The following API5 variants were observed in gnomAD, a reference collection of about 807,000 sequenced individuals.
API5 encodes apoptosis inhibitor 5.
A neutral mutation model predicts 71.9 loss-of-function variants in API5; 6 were observed. The observed-to-expected ratio is 0.08, with a 90% CI of 0.05 to 0.16. The LOEUF (loss-of-function observed/expected upper bound fraction) is 0.16. Among genes scored for constraint, API5 ranks in the 10% least tolerant of loss-of-function variants. API5 has a pLI of 1.00. For missense variants in API5, 332 were observed against 612.8 expected, an observed-to-expected ratio of 0.54 and a Z score of 4.84; for synonymous variants, 189 against 221.3, an observed-to-expected ratio of 0.85 and a Z score of 1.30.
In API5 at chr11:43,344,517, C is replaced by G. The variant is rs1348682131; in HGVS notation, c.*2007C>G. 1 of 152,374 alleles carries G rather than the reference C, an allele frequency of 6.6e-6. No homozygotes were observed. Among genetic ancestry groups the G allele is most frequent in the Non-Finnish European group, 1.5e-5 (1 of 68,008 alleles). The allele number at this position is 152,374 out of a possible 1,614,324, so 9.4% of individuals were successfully genotyped here. On this transcript the variant is annotated 3_prime_UTR_variant, in exon 14 of 14. Coordinates refer to ENST00000531273, the MANE Select transcript of API5 (RefSeq NM_001142930.2). ...CCCTTATGCTTTTGAAATAAATTTC[C>G]TTTTGTAATTTTGTTTTGTGTCTTG... is the stretch of plus-strand genomic sequence containing the variant.
chr11:43,331,381 A>G (rs578184213), intron 11 of API5: 2 of 153,170 alleles, frequency 1.3e-5, no homozygotes, highest in African/African-American at 2.4e-5. Flanking sequence ...AAAAACTGCT[A>G]ATAGCCTGCT....
At chr11:43,316,800 AC>A (rs1465929998) in intron 1 of API5, among the ~76,000 whole-genome samples, 2 of 152,100 alleles carry the variant, frequency 1.3e-5, no homozygotes, top group African/African-American at 2.4e-5. Flanking sequence ...GACTGCAAGC[AC>A]ACACCACCAT....
intron 13 of API5, among the ~76,000 whole-genome samples, chr11:43,339,641 A>G (rs1394430189): frequency 1.3e-5 from 2 of 152,198 alleles, no homozygotes; most frequent in Non-Finnish European, 2.9e-5. Context: ...AAACACACTC[A>G]GACGCACATA....
rs777157059 is a variant in API5 at position 43,323,549 on chromosome 11, C to T, written c.663C>T (p.Ala221=). 1.9e-6 allele frequency: 3 copies of T among 1,614,058 alleles called. No homozygotes were observed. Among genetic ancestry groups the T allele is most frequent in the Admixed American group, 1.7e-5 (1 of 59,992 alleles). ...TTGTAGAGTTGGTGGCTGAACAGGCCGACCTAGAACAGACCTTCAATCCCT... is the reference window on the plus strand; with the variant it reads ...TTGTAGAGTTGGTGGCTGAACAGGCTGACCTAGAACAGACCTTCAATCCCT... ...QQLVELVAEQ[A]DLEQTFNPSD... Residue 221 remains alanine, a synonymous_variant, in exon 6 of 14, where the codon GCC becomes GCT. Coordinates refer to ENST00000531273, the MANE Select transcript of API5 (RefSeq NM_001142930.2).
intron 2 of API5, among the ~76,000 whole-genome samples, chr11:43,319,231 G>A (rs184648979): frequency 5.5e-4 from 83 of 152,214 alleles, no homozygotes; most frequent in Admixed American, 2.7e-3. Flanking sequence ...TGTAATAAGT[G>A]AATAGGATTA....
intron 1 of API5, among the ~76,000 whole-genome samples, chr11:43,315,436 G>C (rs1199488191): frequency 6.6e-6 from 1 of 151,636 alleles, no homozygotes; most frequent in Non-Finnish European, 1.5e-5. Context: ...ACTGTACCTT[G>C]CCCTTCAGTA....
At chr11:43,339,785 A>G (rs980542927) in intron 13 of API5, among the ~76,000 whole-genome samples, 15 of 152,328 alleles carry the variant, frequency 9.8e-5, no homozygotes, top group African/African-American at 3.6e-4. Flanking sequence ...CAAAAATTGC[A>G]TATTTATTGC....
rs188195849 is a variant in API5 at position 43,320,450 on chromosome 11, A to G, written c.232-371A>G. On this transcript the variant is annotated intron_variant, in intron 2 of 13. Transcript: ENST00000531273. ...CTCTGTGGTTTTAGTTTTCTTAAAA[A>G]GTTGAGTTTGCAGCTGGGCATGGTG... Among the ~76,000 whole-genome samples the G allele has an allele frequency of 1.1e-4, 16 of 152,024 alleles. No homozygotes were observed. In the East Asian group the frequency reaches 3.1e-3, roughly 30 times the overall value.
Position 43,312,061 on chromosome 11 carries a change from TC to T in API5, c.-65del. ...GTGCGGGTAGTGGGTTTGGAGAAGT[TC>T]CGAGGCGGCGGTGGCGCCGGTCAGG... On this transcript the variant is annotated 5_prime_UTR_variant, in exon 1 of 14. Transcript: ENST00000531273. 1 of 1,576,744 alleles carries T rather than the reference TC, an allele frequency of 6.3e-7. No homozygotes were observed. The highest frequency in any genetic ancestry group is 8.7e-7 in the Non-Finnish European group (1 of 1,151,520).
chr11:43,340,626 C>T lies in API5; in HGVS notation c.1493-1802C>T, dbSNP rs532660101. Among the ~76,000 whole-genome samples, 9 of 152,046 alleles carry T rather than the reference C, an allele frequency of 5.9e-5. 1 individual carries two copies. In the East Asian group the frequency reaches 1.7e-3, roughly 29 times the overall value. ...GAACAGAGAACCAGAAATTAATCCA[C>T]GTATCTACAGCCAACTGATTTTTTA... On this transcript the variant is annotated intron_variant, in intron 13 of 13. Transcript: ENST00000531273.
At chr11:43,321,297 A>T in intron 3 of API5, 114 bp from the exon 4 acceptor site, 1 of 884,078 alleles carries the variant, frequency 1.1e-6, no homozygotes, top group Non-Finnish European at 1.8e-6. Context: ...GGCTTAAGTT[A>T]TAAGTTTCCT....
At position 43,342,878 on chromosome 11, in the gene API5, C is replaced by A. The variant is rs1855669380; in HGVS notation, c.*368C>A. Reference sequence around the variant, plus strand: ...AAAGATCATCAGTTTTGAAAGGTTACTGATTTTCCTCTTCCCTCTTAGTTT... The same window carrying A: ...AAAGATCATCAGTTTTGAAAGGTTAATGATTTTCCTCTTCCCTCTTAGTTT... On this transcript the variant is annotated 3_prime_UTR_variant, in exon 14 of 14. Coordinates refer to ENST00000531273, the MANE Select transcript of API5 (RefSeq NM_001142930.2). 3 of 518,572 alleles carry A rather than the reference C, an allele frequency of 5.8e-6. No individual in the cohort carries two copies. The highest frequency in any genetic ancestry group is 1.0e-5 in the Non-Finnish European group (3 of 294,860). 32.1% of individuals were successfully genotyped at this position (518,572 alleles called of 1,614,324 possible).
intron 2 of API5, among the ~76,000 whole-genome samples, chr11:43,319,713 C>T (rs937291279): frequency 1.4e-4 from 22 of 152,124 alleles, no homozygotes; most frequent in African/African-American, 5.1e-4. Context: ...TCATCTGGCC[C>T]GCTGTACATA....
At chr11:43,313,480 C>T (rs1854561799) in intron 1 of API5, among the ~76,000 whole-genome samples, 1 of 152,154 alleles carries the variant, frequency 6.6e-6, no homozygotes, top group Non-Finnish European at 1.5e-5. Context: ...TTACGCATCC[C>T]TTCTTGGAGA....
chr11:43,342,683 C>T lies in API5; in HGVS notation c.*173C>T, dbSNP rs1338724179. ...CTTTTGTAACAGACCATGGTTGTGT[C>T]CAAGGTAAAACCACAGTGATATTTT... On this transcript the variant is annotated 3_prime_UTR_variant, in exon 14 of 14. Transcript: ENST00000531273. The T allele has an allele frequency of 1.4e-6, 1 of 735,836 alleles. No individual in the cohort carries two copies. The highest frequency in any genetic ancestry group is 2.7e-5 in the East Asian group (1 of 37,338). The allele number at this position is 735,836 out of a possible 1,614,324, so 45.6% of individuals were successfully genotyped here.
chr11:43,328,898 T>TA lies in API5; in HGVS notation c.1127+6dup, dbSNP rs759887615. 6.2e-7 allele frequency: 1 copy of TA among 1,613,838 alleles called. No homozygotes were observed. Among genetic ancestry groups the TA allele is most frequent in the Non-Finnish European group, 8.5e-7 (1 of 1,179,840 alleles). On this transcript the variant is annotated splice_donor_region_variant and intron_variant, in intron 9 of 13. Transcript: ENST00000531273. ...GCTCAAAGATTTCAAAATCAGGTGA[T>TA]ATATGATTGAGGTGGCTCAATCCTT...
chr11:43,342,141 CA>C (rs1025338490), intron 13 of API5, among the ~76,000 whole-genome samples: 2 of 151,936 alleles, frequency 1.3e-5, no homozygotes, highest in African/African-American at 4.8e-5. Context: ...CAAGACCCTC[CA>C]AAAAAAGTGT....
In API5 at chr11:43,330,643, A is replaced by G. The variant is rs1486186998; in HGVS notation, c.1278+79A>G. On this transcript the variant is annotated intron_variant, in intron 11 of 13. Transcript: ENST00000531273. ...TATTTATTTAAAAGTTTTGCATAAG[A>G]TACTTCCAACAAAGGGAGGCATGCA... The G allele has an allele frequency of 3.4e-6, 4 of 1,166,546 alleles. No homozygotes were observed. The African/African-American group carries it at 4.7e-5, about 14-fold the overall frequency. 72.3% of individuals were successfully genotyped at this position (1,166,546 alleles called of 1,614,324 possible). A position where few individuals can be genotyped will look rare whatever the true frequency, so the allele number is the denominator to read the frequency against.
At chr11:43,322,630 A>G (rs965984546) in intron 5 of API5, among the ~76,000 whole-genome samples, 3 of 152,200 alleles carry the variant, frequency 2.0e-5, no homozygotes, top group Admixed American at 6.5e-5. Flanking sequence ...GTGCGTCACA[A>G]TTAACTTTTC....
Sources: gnomAD v4.1 joint callset for allele counts (sites outside exome capture counted in the v4.1 genomes callset) on GRCh38, gnomAD v4.1.1 for gene constraint, MANE v1.5 for transcripts, NCBI Gene and HGNC (gene_info 2026-07-23, HGNC 2026-07-21) for gene names.